Variants in FSTL4 observed in about 807,000 individuals in gnomAD.
The protein encoded by FSTL4 is follistatin-related protein 4.
Under a neutral mutation model 78.2 loss-of-function variants are expected in FSTL4, and 28 were observed. That is an observed-to-expected ratio of 0.36 (90% CI 0.27 to 0.49). The LOEUF is 0.49. FSTL4 is among the 20% of genes least tolerant of loss of function. The pLI, the probability that FSTL4 is intolerant of heterozygous loss-of-function variation, is 0.98. For synonymous variants in FSTL4, 422 were observed against 440.5 expected, an observed-to-expected ratio of 0.96 and a Z score of 0.53; for missense variants, 922 against 1,084.9, an observed-to-expected ratio of 0.85 and a Z score of 2.11.
the FSTL4 span, among the ~76,000 whole-genome samples, chr5:133,838,042 C>T: frequency 1.3e-5 from 2 of 152,116 alleles, no homozygotes; most frequent in African/African-American, 2.4e-5. Flanking sequence ...CACCTGCCAC[C>T]ACACCCAGCT....
chr5:133,372,702 T>C (rs1413338816), intron 4 of FSTL4, among the ~76,000 whole-genome samples: 1 of 152,164 alleles, frequency 6.6e-6, no homozygotes, highest in Non-Finnish European at 1.5e-5. Flanking sequence ...TGAACAGCCT[T>C]TGTTTCCCCT....
At chr5:133,641,009 G>A in the FSTL4 span, among the ~76,000 whole-genome samples, 1 of 152,196 alleles carries the variant, frequency 6.6e-6, no homozygotes, top group Non-Finnish European at 1.5e-5. Flanking sequence ...GGGGTACCAT[G>A]TACTGTTGTG....
chr5:133,449,831 T>A (rs974692836), intron 3 of FSTL4, among the ~76,000 whole-genome samples: 9 of 152,200 alleles, frequency 5.9e-5, no homozygotes, highest in African/African-American at 1.2e-4. Flanking sequence ...GGAAATTTTT[T>A]AAAAAAATGA....
the FSTL4 span, among the ~76,000 whole-genome samples, chr5:133,676,187 A>C: frequency 6.6e-6 from 1 of 152,240 alleles, no homozygotes; most frequent in African/African-American, 2.4e-5. Flanking sequence ...TTTCTAAGAA[A>C]TATCTTATCT....
At chr5:133,591,401 T>C (rs1305701832) in intron 2 of FSTL4, among the ~76,000 whole-genome samples, 1 of 152,176 alleles carries the variant, frequency 6.6e-6, no homozygotes, top group African/African-American at 2.4e-5. Flanking sequence ...ATGCCCCATG[T>C]TTATACAAAC....
chr5:133,543,275 C>T (rs1489424613), intron 3 of FSTL4, among the ~76,000 whole-genome samples: 2 of 152,146 alleles, frequency 1.3e-5, no homozygotes, highest in East Asian at 1.9e-4. Context: ...TTGTCTCCAA[C>T]TCCTGGCCTC....
intron 3 of FSTL4, among the ~76,000 whole-genome samples, chr5:133,545,117 G>A (rs1447969079): frequency 6.6e-6 from 1 of 152,136 alleles, no homozygotes; most frequent in Non-Finnish European, 1.5e-5. Flanking sequence ...CAGGACAGGG[G>A]CTGGTCACCA....
At chr5:133,683,863 C>T in the FSTL4 span, among the ~76,000 whole-genome samples, 1 of 152,148 alleles carries the variant, frequency 6.6e-6, no homozygotes, top group East Asian at 1.9e-4. Context: ...CCGCAGGAGC[C>T]CTCCCTGCTG....
At chr5:133,688,127 G>T in the FSTL4 span, among the ~76,000 whole-genome samples, 1 of 152,206 alleles carries the variant, frequency 6.6e-6, no homozygotes, top group Non-Finnish European at 1.5e-5. Context: ...GGTGGTTCTA[G>T]GCCGGGCACA....
chr5:133,277,009 T>C (rs1752897834), intron 6 of FSTL4, among the ~76,000 whole-genome samples: 1 of 152,184 alleles, frequency 6.6e-6, no homozygotes, highest in South Asian at 2.1e-4. Context: ...TACTCTGTGA[T>C]ATTAGAAAGA....
chr5:133,307,037 T>C (rs1267391353), intron 6 of FSTL4, among the ~76,000 whole-genome samples: 1 of 152,236 alleles, frequency 6.6e-6, no homozygotes, highest in Non-Finnish European at 1.5e-5. Flanking sequence ...AATAACTCTG[T>C]GCACGGTTGT....
At chr5:133,645,431 A>C in the FSTL4 span, among the ~76,000 whole-genome samples, 1 of 152,138 alleles carries the variant, frequency 6.6e-6, no homozygotes, top group Non-Finnish European at 1.5e-5. Flanking sequence ...GGCATTTCTA[A>C]TCAAGGGTAA....
At chr5:133,304,684 T>C (rs1257705965) in intron 6 of FSTL4, among the ~76,000 whole-genome samples, 1 of 152,218 alleles carries the variant, frequency 6.6e-6, no homozygotes. Context: ...GGTCCCACCA[T>C]GCAGCTGTTA....
chr5:133,627,565 T>C, the FSTL4 span, among the ~76,000 whole-genome samples: 1 of 152,214 alleles, frequency 6.6e-6, no homozygotes, highest in Non-Finnish European at 1.5e-5. Context: ...CTGCTGTTAA[T>C]ATAGGTACTT....
intron 3 of FSTL4, among the ~76,000 whole-genome samples, chr5:133,460,647 A>T (rs1757574022): frequency 6.6e-6 from 1 of 152,180 alleles, no homozygotes; most frequent in South Asian, 2.1e-4. Flanking sequence ...TACCTAGGGG[A>T]TCTGATTGTC....
the FSTL4 span, among the ~76,000 whole-genome samples, chr5:133,630,663 A>G: frequency 6.6e-6 from 1 of 152,204 alleles, no homozygotes; most frequent in African/African-American, 2.4e-5. Flanking sequence ...ATGGAACCAA[A>G]AAAGAGCCCG....
chr5:133,394,763 C>T (rs1755958629), intron 4 of FSTL4, among the ~76,000 whole-genome samples: 1 of 152,214 alleles, frequency 6.6e-6, no homozygotes, highest in Admixed American at 6.5e-5. Context: ...TGGCAGGCAG[C>T]TCCACCTGCA....
At chr5:133,386,376 C>T (rs931832159) in intron 4 of FSTL4, among the ~76,000 whole-genome samples, 1 of 152,218 alleles carries the variant, frequency 6.6e-6, no homozygotes, top group Non-Finnish European at 1.5e-5. Flanking sequence ...CACTCAAGTT[C>T]TTTCCTTCCC....
the FSTL4 span, among the ~76,000 whole-genome samples, chr5:133,618,154 G>T: frequency 1.3e-5 from 2 of 152,248 alleles, no homozygotes; most frequent in South Asian, 4.2e-4. Context: ...GATACAGTAG[G>T]AGATTAACAA....
Sources: allele counts gnomAD v4.1 joint callset (sites outside exome capture counted in the v4.1 genomes callset), GRCh38; gene constraint gnomAD v4.1.1; transcripts MANE v1.5; gene names NCBI Gene and HGNC (gene_info 2026-07-23, HGNC 2026-07-21).